Variants in TMCC1 observed in about 807,000 individuals in gnomAD.
TMCC1 encodes transmembrane and coiled-coil domain family 1, also known as transmembrane and coiled-coil domains protein 1.
A neutral mutation model predicts 52.4 loss-of-function variants in TMCC1; 15 were observed. The observed-to-expected ratio is 0.29, with a 90% CI of 0.19 to 0.44. The LOEUF (loss-of-function observed/expected upper bound fraction) is 0.44, where lower values mean the gene tolerates loss of function less well. Ranked by LOEUF, TMCC1 falls within the 20% of genes least tolerant of loss-of-function variation. The pLI is 1.00. For synonymous variants in TMCC1, 279 were observed against 301.9 expected (o/e 0.92, Z 0.79); for missense variants, 503 against 806.0 (o/e 0.62, Z 4.55).
At chr3:129,847,617 A>G (rs368622269) in intron 2 of TMCC1, 1 of 152,366 alleles carries the variant, frequency 6.6e-6, no homozygotes, top group African/African-American at 2.4e-5. Context: ...TATTACCAAT[A>G]AATAATAGCT....
intron 4 of TMCC1, among the ~76,000 whole-genome samples, chr3:129,724,504 G>T (rs2049918430): frequency 6.6e-6 from 1 of 152,138 alleles, no homozygotes. Context: ...ACTTTACTAT[G>T]GAACAGGGAG....
At chr3:129,851,859 GA>G (rs145662550) in intron 2 of TMCC1, among the ~76,000 whole-genome samples, 2 of 152,048 alleles carry the variant, frequency 1.3e-5, no homozygotes, top group African/African-American at 4.8e-5. Flanking sequence ...CCTTCAAAAG[GA>G]AAAAAATTGC....
chr3:129,798,424 G>T (rs2056983328), intron 4 of TMCC1, among the ~76,000 whole-genome samples: 1 of 147,776 alleles, frequency 6.8e-6, no homozygotes, highest in African/African-American at 2.5e-5. Flanking sequence ...CGGAAATAAT[G>T]AAGTGCCTTA....
Position 129,654,036 on chromosome 3 carries a change from C to CT in TMCC1, c.1647+931_1647+932insA, listed in dbSNP as rs551752777. Among the ~76,000 whole-genome samples the CT allele has an allele frequency of 1.7e-4, 26 of 152,150 alleles. 1 individual carries two copies. In the South Asian group the frequency reaches 5.2e-3, roughly 30 times the overall value. ...AATTCCCACACCTCCCCCCAACCCC[C>CT]CCAAAAAAAGTGTCTGTTCTCCTCA... On this transcript the variant is annotated intron_variant, in intron 6 of 6. Transcript: ENST00000393238.
At chr3:129,820,737 C>G (rs916454100) in intron 4 of TMCC1, among the ~76,000 whole-genome samples, 20 of 152,278 alleles carry the variant, frequency 1.3e-4, no homozygotes, top group Admixed American at 1.2e-3. Context: ...TTATCTTACC[C>G]TTCCCAGATG....
At chr3:129,788,623 C>T (rs544594535) in intron 4 of TMCC1, among the ~76,000 whole-genome samples, 6 of 151,982 alleles carry the variant, frequency 3.9e-5, no homozygotes, top group Non-Finnish European at 5.9e-5. Context: ...CCACCACGCC[C>T]GGCTAATTTT....
rs1349036786 is a variant in TMCC1, at chr3:129,650,489, G to GACTTTCTTACTCAAACTGTTTCAAGAC, written c.*965_*991dup. ...CGGCAGAGGGCAGCATTTACAGCAA[G>GACTTTCTTACTCAAACTGTTTCAAGAC]ACTTTCTTACTCAAACTGTTTCAAG... On this transcript the variant is annotated 3_prime_UTR_variant, in exon 7 of 7. Transcript: ENST00000393238. 2.6e-5 allele frequency: 4 copies of GACTTTCTTACTCAAACTGTTTCAAGAC among 152,394 alleles called. No individual in the cohort carries two copies. Among genetic ancestry groups the GACTTTCTTACTCAAACTGTTTCAAGAC allele is most frequent in the African/African-American group, 9.7e-5 (4 of 41,362 alleles). The allele number at this position is 152,394 out of a possible 1,614,324, so 9.4% of individuals were successfully genotyped here. A position where few individuals can be genotyped will look rare whatever the true frequency, so the allele number is the denominator to read the frequency against.
intron 4 of TMCC1, among the ~76,000 whole-genome samples, chr3:129,728,431 G>A (rs989678040): frequency 3.9e-5 from 6 of 152,024 alleles, no homozygotes; most frequent in Admixed American, 3.3e-4. Flanking sequence ...GATTACAGGC[G>A]CCGGCCACCA....
chr3:129,825,804 G>T (rs1374081765), intron 4 of TMCC1, among the ~76,000 whole-genome samples: 1 of 152,188 alleles, frequency 6.6e-6, no homozygotes, highest in East Asian at 1.9e-4. Flanking sequence ...CTGCAGCCAA[G>T]GGGCATGAGA....
At chr3:129,721,613 C>T (rs1365734702) in intron 4 of TMCC1, among the ~76,000 whole-genome samples, 1 of 150,646 alleles carries the variant, frequency 6.6e-6, no homozygotes, top group Non-Finnish European at 1.5e-5. Flanking sequence ...ATAATCCCAG[C>T]ACTTTGGGAG....
Position 129,828,639 on chromosome 3 carries a change from T to C in TMCC1, c.-130-131A>G, listed in dbSNP as rs936928128. 1.6e-5 allele frequency: 6 copies of C among 379,038 alleles called. No individual in the cohort carries two copies. Among genetic ancestry groups the C allele is most frequent in the African/African-American group, 1.3e-4 (6 of 47,864 alleles). 23.5% of individuals were successfully genotyped at this position (379,038 alleles called of 1,614,324 possible). On this transcript the variant is annotated intron_variant, in intron 3 of 6. Coordinates refer to ENST00000393238, the MANE Select transcript of TMCC1 (RefSeq NM_001017395.5). This position sits in a 1 kb window ranked among gnomAD's most constrained non-coding sequence, Gnocchi z 4.1. ...ACAAATAGGCACTATCATTAAGCAA[T>C]CTTTAATCAGAAGATTAAAAGACAG...
At chr3:129,674,371 A>G (rs2088219336) in intron 4 of TMCC1, among the ~76,000 whole-genome samples, 1 of 152,178 alleles carries the variant, frequency 6.6e-6, no homozygotes, top group African/African-American at 2.4e-5. Context: ...TTCAGCCTCT[A>G]AAAAAACTAA....
At chr3:129,865,933 C>A (rs1430530575) in intron 2 of TMCC1, among the ~76,000 whole-genome samples, 1 of 152,092 alleles carries the variant, frequency 6.6e-6, no homozygotes, top group East Asian at 1.9e-4. Flanking sequence ...AGATGTCCAG[C>A]AGGCAGTAGG....
rs553619718 is a variant in TMCC1, at chr3:129,818,911, A to G, written c.576+8892T>C. The stretch of plus-strand genomic sequence containing the variant: ...GACATTTGGTTAATCTCTAACACCA[A>G]TTTAAAAAGGTAGAAGTTGAGGCTG... On this transcript the variant is annotated intron_variant, in intron 4 of 6. Transcript: ENST00000393238. 6 of 152,882 alleles carry G rather than the reference A, an allele frequency of 3.9e-5. No individual in the cohort carries two copies. In the South Asian group the frequency reaches 6.2e-4, roughly 16 times the overall value. 9.5% of individuals were successfully genotyped at this position (152,882 alleles called of 1,614,324 possible).
chr3:129,740,341 C>T (rs2051353480), intron 4 of TMCC1, among the ~76,000 whole-genome samples: 1 of 152,176 alleles, frequency 6.6e-6, no homozygotes, highest in African/African-American at 2.4e-5. Context: ...CACCTCAGTT[C>T]TATCCAAGAG....
chr3:129,766,760 A>C (rs973726449), intron 4 of TMCC1, among the ~76,000 whole-genome samples: 2 of 151,872 alleles, frequency 1.3e-5, no homozygotes, highest in Admixed American at 1.3e-4. Flanking sequence ...CTGGGACTAC[A>C]GGCGTGCAAC....
intron 4 of TMCC1, among the ~76,000 whole-genome samples, chr3:129,673,526 T>C (rs1191379344): frequency 1.3e-5 from 2 of 152,206 alleles, no homozygotes; most frequent in Non-Finnish European, 2.9e-5. Context: ...GATATTAATA[T>C]GAATATTTAC....
intron 4 of TMCC1, among the ~76,000 whole-genome samples, chr3:129,725,170 A>G (rs1227588871): frequency 2.0e-5 from 3 of 152,114 alleles, no homozygotes; most frequent in Non-Finnish European, 1.5e-5. Context: ...CTGAAGTGCA[A>G]TGGTGTGATT....
intron 4 of TMCC1, among the ~76,000 whole-genome samples, chr3:129,699,098 G>A (rs1203049476): frequency 6.6e-6 from 1 of 152,174 alleles, no homozygotes; most frequent in Non-Finnish European, 1.5e-5. Context: ...AACGGCTCAT[G>A]TCTGTAACTG....
Sources: gnomAD v4.1 joint callset for allele counts (sites outside exome capture counted in the v4.1 genomes callset) on GRCh38, gnomAD v4.1.1 for gene constraint, Gnocchi (gnomAD v3.1) non-coding constraint, MANE v1.5 for transcripts, NCBI Gene and HGNC (gene_info 2026-07-23, HGNC 2026-07-21) for gene names.